Variants in INPP4B observed in about 807,000 individuals in gnomAD.
The protein encoded by INPP4B is inositol polyphosphate 4-phosphatase type II.
In INPP4B, 55 loss-of-function variants were observed where a neutral mutation model predicts 122.5. The observed-to-expected ratio is 0.45, with a 90% CI of 0.36 to 0.56. INPP4B has a LOEUF of 0.56. Among genes scored for constraint, INPP4B ranks in the 20% least tolerant of loss-of-function variants. The pLI, the probability that INPP4B is intolerant of heterozygous loss-of-function variation, is 0.00. For missense variants in INPP4B, 1,000 were observed against 1,097.7 expected (o/e 0.91, Z 1.26); for synonymous variants, 403 against 388.7 (o/e 1.04, Z -0.43).
intron 9 of INPP4B, among the ~76,000 whole-genome samples, chr4:142,275,993 A>G (rs1748211272): frequency 6.6e-6 from 1 of 151,552 alleles, no homozygotes; most frequent in Admixed American, 6.6e-5. Flanking sequence ...TCAAACCCAA[A>G]TTCACCCACA....
Position 142,774,515 on chromosome 4 carries a change from A to T in INPP4B, c.-253-48614T>A, listed in dbSNP as rs147193888. On this transcript the variant is annotated intron_variant, in intron 1 of 25. Transcript: ENST00000262992. Reference sequence around the variant, plus strand: ...GCCACTGGAAACTAAAGTGAGCATGATCCCTTTACATACAACATCTAAAAT... The same window carrying T: ...GCCACTGGAAACTAAAGTGAGCATGTTCCCTTTACATACAACATCTAAAAT... Among the ~76,000 whole-genome samples the T allele has an allele frequency of 5.4e-4, 82 of 152,188 alleles. 1 individual carries two copies. The highest frequency in any genetic ancestry group is 1.8e-3 in the African/African-American group (75 of 41,476).
intron 2 of INPP4B, among the ~76,000 whole-genome samples, chr4:142,646,647 G>C (rs922671631): frequency 6.6e-6 from 1 of 152,158 alleles, no homozygotes; most frequent in Non-Finnish European, 1.5e-5. Context: ...ACCAATGAAA[G>C]CATAAACCAA....
At chr4:142,487,770 G>C (rs560030246) in intron 2 of INPP4B, among the ~76,000 whole-genome samples, 2 of 152,090 alleles carry the variant, frequency 1.3e-5, no homozygotes, top group Non-Finnish European at 2.9e-5. Flanking sequence ...GTATAAAATT[G>C]GCCTTGCATC....
chr4:142,637,341 C>G (rs1580578797), intron 2 of INPP4B, among the ~76,000 whole-genome samples: 1 of 152,134 alleles, frequency 6.6e-6, no homozygotes, highest in East Asian at 1.9e-4. Context: ...TTGTCTATGT[C>G]ATGCCTATTC....
intron 18 of INPP4B, among the ~76,000 whole-genome samples, chr4:142,138,036 G>T (rs1805573047): frequency 1.3e-5 from 2 of 152,038 alleles, no homozygotes; most frequent in Non-Finnish European, 2.9e-5. Context: ...CCATTACTGG[G>T]TATATACTCA....
At chr4:142,288,375 C>T (rs1019260110) in intron 9 of INPP4B, among the ~76,000 whole-genome samples, 3 of 152,088 alleles carry the variant, frequency 2.0e-5, no homozygotes, top group Non-Finnish European at 4.4e-5. Flanking sequence ...ACGAGGTCAG[C>T]AGATAGAGAC....
At chr4:142,173,073 T>C (rs1469453434) in intron 16 of INPP4B, among the ~76,000 whole-genome samples, 2 of 151,902 alleles carry the variant, frequency 1.3e-5, no homozygotes, top group Admixed American at 1.3e-4. Context: ...CAAGTCACCT[T>C]TGGAAAAACT....
At chr4:142,628,035 T>C (rs1746916645) in intron 2 of INPP4B, among the ~76,000 whole-genome samples, 1 of 152,074 alleles carries the variant, frequency 6.6e-6, no homozygotes, top group South Asian at 2.1e-4. Flanking sequence ...CTAGTTTATT[T>C]GCGTACCCAG....
chr4:142,771,377 T>A (rs1184229021), intron 1 of INPP4B, among the ~76,000 whole-genome samples: 2 of 152,136 alleles, frequency 1.3e-5, no homozygotes, highest in Non-Finnish European at 2.9e-5. Context: ...ATGTACATCC[T>A]AGAGAAGTTT....
intron 2 of INPP4B, among the ~76,000 whole-genome samples, chr4:142,617,322 C>G (rs1277481367): frequency 6.6e-6 from 1 of 152,064 alleles, no homozygotes; most frequent in Non-Finnish European, 1.5e-5. Flanking sequence ...GAAAGATGAA[C>G]ATAGCTGACA....
At chr4:142,111,950 G>A (rs1359932144) in intron 22 of INPP4B, among the ~76,000 whole-genome samples, 2 of 151,468 alleles carry the variant, frequency 1.3e-5, no homozygotes, top group African/African-American at 4.9e-5. Flanking sequence ...CACCATCTTG[G>A]CCAGGCTGAT....
chr4:142,637,167 G>A (rs1000083867), intron 2 of INPP4B, among the ~76,000 whole-genome samples: 9 of 152,136 alleles, frequency 5.9e-5, no homozygotes, highest in African/African-American at 2.2e-4. Context: ...TGGTACATTT[G>A]TTAGAATGGA....
intron 9 of INPP4B, among the ~76,000 whole-genome samples, chr4:142,273,937 C>T (rs889945605): frequency 6.6e-6 from 1 of 151,872 alleles, no homozygotes; most frequent in African/African-American, 2.4e-5. Context: ...AGAAGCCACT[C>T]TCTATTTATT....
intron 3 of INPP4B, among the ~76,000 whole-genome samples, chr4:142,453,641 C>G (rs1484303839): frequency 6.6e-6 from 1 of 152,068 alleles, no homozygotes; most frequent in Non-Finnish European, 1.5e-5. Flanking sequence ...ACATAACTAA[C>G]TTTTCTCTTT....
chr4:142,429,091 G>T, intron 5 of INPP4B, 82 bp downstream of exon 5: 1 of 708,804 alleles, frequency 1.4e-6, no homozygotes, highest in Non-Finnish European at 2.4e-6. Flanking sequence ...AATATGTACT[G>T]ATGTAAGCAA....
intron 2 of INPP4B, among the ~76,000 whole-genome samples, chr4:142,658,243 A>T (rs77638669): frequency 6.6e-6 from 1 of 152,184 alleles, no homozygotes; most frequent in African/African-American, 2.4e-5. Context: ...ATAAGCTATA[A>T]AACTGTAATA....
At chr4:142,557,879 AT>A (rs1729565158) in intron 2 of INPP4B, among the ~76,000 whole-genome samples, 1 of 152,130 alleles carries the variant, frequency 6.6e-6, no homozygotes, top group African/African-American at 2.4e-5. Flanking sequence ...TCATTCACCT[AT>A]TACCCCTTCT....
chr4:142,149,751 T>A (rs568042117), intron 17 of INPP4B, among the ~76,000 whole-genome samples: 15 of 152,234 alleles, frequency 9.9e-5, no homozygotes, highest in African/African-American at 3.1e-4. Flanking sequence ...ATCAAAGGTG[T>A]CTTATAAGCA....
chr4:142,396,864 T>G (rs534213041), intron 7 of INPP4B, among the ~76,000 whole-genome samples: 5 of 152,182 alleles, frequency 3.3e-5, no homozygotes, highest in African/African-American at 1.2e-4. Flanking sequence ...CTATAAGATT[T>G]CATTCATATA....
Sources: gnomAD v4.1 joint callset for allele counts (sites outside exome capture counted in the v4.1 genomes callset) on GRCh38, gnomAD v4.1.1 for gene constraint, MANE v1.5 for transcripts, NCBI Gene and HGNC (gene_info 2026-07-23, HGNC 2026-07-21) for gene names.